Variants in ELAVL4 observed in about 807,000 individuals in gnomAD.
The protein encoded by ELAVL4 is ELAV like RNA binding protein 4.
Under a neutral mutation model 35.6 loss-of-function variants are expected in ELAVL4, and 1 was observed. That is an observed-to-expected ratio of 0.03 (90% CI 0.01 to 0.13). The LOEUF (loss-of-function observed/expected upper bound fraction) is 0.13, where lower values mean the gene tolerates loss of function less well. ELAVL4 is among the 10% of genes least tolerant of loss of function. The pLI is 1.00. For missense variants in ELAVL4, 267 were observed against 464.9 expected (o/e 0.57, Z 3.91); for synonymous variants, 156 against 171.0 (o/e 0.91, Z 0.69).
chr1:50,179,458 G>C (rs538901147), intron 3 of ELAVL4: 7 of 152,018 alleles, frequency 4.6e-5, no homozygotes, highest in African/African-American at 1.7e-4. Context: ...TCATATTAAA[G>C]GAAAGAAAAA....
chr1:50,114,131 T>C (rs1243626690), intron 1 of ELAVL4, among the ~76,000 whole-genome samples: 2 of 152,132 alleles, frequency 1.3e-5, no homozygotes, highest in African/African-American at 4.8e-5. Flanking sequence ...ATTATAAGTG[T>C]GCAAATGCAT....
chr1:50,194,612 C>T (rs577414228), intron 4 of ELAVL4, among the ~76,000 whole-genome samples: 1 of 152,336 alleles, frequency 6.6e-6, no homozygotes, highest in Non-Finnish European at 1.5e-5. Flanking sequence ...GAAGTCTGCT[C>T]TGCCCTAGAC....
chr1:50,189,671 A>G (rs920179146), intron 3 of ELAVL4, among the ~76,000 whole-genome samples: 1 of 152,156 alleles, frequency 6.6e-6, no homozygotes, highest in African/African-American at 2.4e-5. Flanking sequence ...AATGGGAGCT[A>G]GATTCCCAGG....
At chr1:50,160,731 T>G (rs1486373195) in intron 2 of ELAVL4, among the ~76,000 whole-genome samples, 1 of 152,244 alleles carries the variant, frequency 6.6e-6, no homozygotes, top group Non-Finnish European at 1.5e-5. Flanking sequence ...TCTCCTTGAG[T>G]GAGAGCCATA....
chr1:50,193,715 T>A, intron 3 of ELAVL4, 50 bp from the exon 4 acceptor site: 2 of 1,587,286 alleles, frequency 1.3e-6, no homozygotes, highest in Non-Finnish European at 1.7e-6. Flanking sequence ...CAGCATCTAC[T>A]CTGAGGGTGA....
intron 1 of ELAVL4, among the ~76,000 whole-genome samples, chr1:50,121,947 A>T (rs183784722): frequency 6.6e-6 from 1 of 152,212 alleles, no homozygotes; most frequent in East Asian, 1.9e-4. Context: ...TGGGACTAGA[A>T]ATAATAAGAT....
chr1:50,051,531 A>G (rs1267289254), intron 1 of ELAVL4, among the ~76,000 whole-genome samples: 1 of 152,204 alleles, frequency 6.6e-6, no homozygotes, highest in Non-Finnish European at 1.5e-5. Flanking sequence ...TTCTCTCTAA[A>G]AAGTGGGGCA....
intron 2 of ELAVL4, among the ~76,000 whole-genome samples, chr1:50,174,014 A>G (rs1402207601): frequency 6.6e-6 from 1 of 152,212 alleles, no homozygotes; most frequent in Non-Finnish European, 1.5e-5. Context: ...TTTTCTAGGT[A>G]CACTTAGCAT....
At chr1:50,191,245 C>G (rs1682615852) in intron 3 of ELAVL4, among the ~76,000 whole-genome samples, 1 of 152,144 alleles carries the variant, frequency 6.6e-6, no homozygotes, top group Non-Finnish European at 1.5e-5. Context: ...CATAGTAGAT[C>G]CTCAGGAAAT....
At chr1:50,091,887 G>A (rs189573643) in intron 1 of ELAVL4, among the ~76,000 whole-genome samples, 76 of 152,208 alleles carry the variant, frequency 5.0e-4, no homozygotes, top group Admixed American at 2.2e-3. Flanking sequence ...TAAGTGGCTC[G>A]CTTAAGGTCT....
intron 2 of ELAVL4, among the ~76,000 whole-genome samples, chr1:50,155,239 G>T (rs1422690097): frequency 7.6e-6 from 1 of 131,546 alleles, no homozygotes; most frequent in Non-Finnish European, 1.5e-5. Flanking sequence ...TGTTCTCATT[G>T]TTCAATTCCC....
intron 2 of ELAVL4, among the ~76,000 whole-genome samples, chr1:50,162,584 T>G (rs767845617): frequency 6.6e-6 from 1 of 152,122 alleles, no homozygotes; most frequent in South Asian, 2.1e-4. Context: ...TTTGTTGTTG[T>G]TGCGTTGATG....
intron 2 of ELAVL4, among the ~76,000 whole-genome samples, chr1:50,168,484 A>G (rs569911195): frequency 5.1e-4 from 78 of 152,202 alleles, no homozygotes; most frequent in African/African-American, 1.9e-3. Context: ...TAAGACTCTC[A>G]CTCAAGGCAA....
chr1:50,175,029 A>G (rs924764069), intron 2 of ELAVL4, among the ~76,000 whole-genome samples: 3 of 152,316 alleles, frequency 2.0e-5, no homozygotes, highest in Admixed American at 6.5e-5. Flanking sequence ...CCATCTGACC[A>G]GTTTCCTAGA....
At chr1:50,113,734 T>C (rs1342003075) in intron 1 of ELAVL4, among the ~76,000 whole-genome samples, 1 of 152,250 alleles carries the variant, frequency 6.6e-6, no homozygotes, top group African/African-American at 2.4e-5. Flanking sequence ...ATTCTCCTTT[T>C]GAAAGTAAAG....
chr1:50,059,977 G>A (rs1434010840), intron 1 of ELAVL4, among the ~76,000 whole-genome samples: 1 of 152,168 alleles, frequency 6.6e-6, no homozygotes, highest in Non-Finnish European at 1.5e-5. Context: ...ACTGCTTAAT[G>A]AATAAGGGGG....
intron 1 of ELAVL4, among the ~76,000 whole-genome samples, chr1:50,060,169 A>G (rs1438475636): frequency 2.0e-5 from 3 of 152,226 alleles, no homozygotes; most frequent in African/African-American, 7.2e-5. Context: ...TGTATGCCCT[A>G]AAGTTTACCT....
intron 1 of ELAVL4, among the ~76,000 whole-genome samples, chr1:50,081,750 A>G (rs1665015323): frequency 6.6e-6 from 1 of 152,210 alleles, no homozygotes; most frequent in African/African-American, 2.4e-5. Flanking sequence ...ACATAGGTAT[A>G]CACGTGCTAT....
At chr1:50,059,406 G>A in intron 1 of ELAVL4, among the ~76,000 whole-genome samples, 1 of 151,992 alleles carries the variant, frequency 6.6e-6, no homozygotes, top group East Asian at 1.9e-4. Flanking sequence ...CTGAAATTTG[G>A]ATCCCTGATT....
Sources: allele counts gnomAD v4.1 joint callset (sites outside exome capture counted in the v4.1 genomes callset), GRCh38; gene constraint gnomAD v4.1.1; transcripts MANE v1.5; gene names NCBI Gene and HGNC (gene_info 2026-07-23, HGNC 2026-07-21).